DLGAP2: variants seen among roughly 807,000 people sequenced by gnomAD.
The protein encoded by DLGAP2 is DLG associated protein 2.
DLGAP2 carries 26 observed loss-of-function variants against 100.3 expected under a neutral mutation model. The ratio of observed to expected loss-of-function variants is 0.26; its 90% CI spans 0.19 to 0.36. DLGAP2 has a LOEUF of 0.36. Ranked by LOEUF, DLGAP2 falls within the 10% of genes least tolerant of loss-of-function variation. The probability of loss-of-function intolerance (pLI) is 1.00; values close to 1 mark genes in which losing one functional copy is unlikely to be tolerated. For synonymous variants in DLGAP2, 886 were observed against 630.1 expected, an observed-to-expected ratio of 1.41 and a Z score of -6.08; for missense variants, 1,858 against 1,453.2, an observed-to-expected ratio of 1.28 and a Z score of -4.53.
At chr8:1,681,663 A>T (rs185846483) in intron 12 of DLGAP2, among the ~76,000 whole-genome samples, 7 of 152,230 alleles carry the variant, frequency 4.6e-5, no homozygotes, top group African/African-American at 1.2e-4. Context: ...AGAAAGAAAG[A>T]ATATCTAGAC....
chr8:1,059,277 C>T (rs548563799), intron 2 of DLGAP2, among the ~76,000 whole-genome samples: 2 of 152,026 alleles, frequency 1.3e-5, no homozygotes, highest in African/African-American at 4.8e-5. Flanking sequence ...CATACTCCAT[C>T]CCCGAGGGCC....
At chr8:1,365,785 G>A (rs533858360) in intron 3 of DLGAP2, among the ~76,000 whole-genome samples, 9 of 152,222 alleles carry the variant, frequency 5.9e-5, no homozygotes, top group Non-Finnish European at 1.0e-4. Flanking sequence ...GAGAAGGCAC[G>A]TGGGGGACCA....
rs530309934 is a variant in DLGAP2, at chr8:1,240,055, G to T, written c.74-18796G>T. 8.1e-5 allele frequency among the ~76,000 whole-genome samples: 12 copies of T among 148,218 alleles called. 1 individual carries two copies. In the East Asian group the frequency reaches 8.4e-4, roughly 10 times the overall value. ...GCCGTGTCTAGTTCTCTCACATGGC[G>T]CCGTGTCTAGTTATCTCACATGGTG... On this transcript the variant is annotated intron_variant, in intron 2 of 14. Coordinates refer to ENST00000637795, the MANE Select transcript of DLGAP2 (RefSeq NM_001346810.2).
chr8:1,474,308 G>GT (rs1563170586), intron 3 of DLGAP2, among the ~76,000 whole-genome samples: 1 of 152,142 alleles, frequency 6.6e-6, no homozygotes, highest in East Asian at 1.9e-4. Flanking sequence ...CTGGTTCCGT[G>GT]TTTTTGTGAT....
chr8:1,117,710 C>T (rs910042772), intron 2 of DLGAP2, among the ~76,000 whole-genome samples: 35 of 152,096 alleles, frequency 2.3e-4, no homozygotes, highest in African/African-American at 8.0e-4. Flanking sequence ...GAGGGGGAGG[C>T]GGCTGTTCTC....
intron 3 of DLGAP2, among the ~76,000 whole-genome samples, chr8:1,286,095 G>A (rs1195128295): frequency 6.6e-6 from 1 of 152,224 alleles, no homozygotes; most frequent in East Asian, 1.9e-4. Flanking sequence ...TCAAGGGCAG[G>A]ACCAGGTGGA....
At chr8:1,574,271 G>C (rs1031016707) in intron 6 of DLGAP2, among the ~76,000 whole-genome samples, 6 of 152,168 alleles carry the variant, frequency 3.9e-5, no homozygotes, top group Admixed American at 1.3e-4. Context: ...GGTAACGTGA[G>C]ACAGGAGAGC....
chr8:1,208,814 C>T (rs922010506), intron 2 of DLGAP2, among the ~76,000 whole-genome samples: 9 of 151,686 alleles, frequency 5.9e-5, no homozygotes, highest in Admixed American at 1.3e-4. Context: ...ACAATAGTGA[C>T]GGAGCTGAGA....
intron 2 of DLGAP2, among the ~76,000 whole-genome samples, chr8:1,012,339 C>T (rs920076268): frequency 9.9e-5 from 15 of 152,230 alleles, no homozygotes; most frequent in African/African-American, 3.1e-4. Context: ...CTCGGAAGCC[C>T]GTCTGCCACA....
At chr8:1,519,365 CACTG>C (rs1211840146) in intron 4 of DLGAP2, among the ~76,000 whole-genome samples, 1 of 152,186 alleles carries the variant, frequency 6.6e-6, no homozygotes, top group Non-Finnish European at 1.5e-5. Flanking sequence ...GCTCCAGGTT[CACTG>C]ACTGCCCGAA....
intron 2 of DLGAP2, among the ~76,000 whole-genome samples, chr8:1,187,208 C>A (rs754456377): frequency 1.3e-5 from 2 of 152,174 alleles, no homozygotes; most frequent in Admixed American, 6.5e-5. Flanking sequence ...ATTTCCCTCA[C>A]GGAATTTCAC....
chr8:1,649,852 G>C (rs114133793), intron 8 of DLGAP2, among the ~76,000 whole-genome samples: 6,581 of 152,086 alleles, frequency 0.043, 180 homozygotes, highest in Non-Finnish European at 0.062. Flanking sequence ...TTATTTATTT[G>C]GTTTTGGAAG....
chr8:973,083 C>A (rs192085731), intron 2 of DLGAP2, among the ~76,000 whole-genome samples: 1 of 152,338 alleles, frequency 6.6e-6, no homozygotes, highest in Non-Finnish European at 1.5e-5. Flanking sequence ...CTTTTCTATT[C>A]GACAAAACCG....
At chr8:1,006,539 G>A (rs1254865573) in intron 2 of DLGAP2, among the ~76,000 whole-genome samples, 6 of 83,244 alleles carry the variant, frequency 7.2e-5, no homozygotes, top group South Asian at 5.3e-4. Flanking sequence ...CAGGGACACC[G>A]TGTGTCTCAA....
At chr8:778,734 C>A (rs1161631283) in intron 1 of DLGAP2, among the ~76,000 whole-genome samples, 1 of 152,260 alleles carries the variant, frequency 6.6e-6, no homozygotes, top group Non-Finnish European at 1.5e-5. Flanking sequence ...AGAACCACTG[C>A]TCTCTTCAAA....
rs138248677 is a variant in DLGAP2, at chr8:1,213,890, C to T, written c.74-44961C>T. The stretch of plus-strand genomic sequence containing the variant: ...ACATGGCAGACTCCGCCCCATCACT[C>T]GGGTCCTCACTCCTTTTGCTGGCCC... On this transcript the variant is annotated intron_variant, in intron 2 of 14. Transcript: ENST00000637795. 6.3e-3 allele frequency among the ~76,000 whole-genome samples: 965 copies of T among 152,316 alleles called. 7 individuals carry two copies. Among genetic ancestry groups the T allele is most frequent in the African/African-American group, 0.023 (940 of 41,560 alleles).
chr8:967,765 G>GTATATATATATATATGTATACA (rs1262660337), intron 2 of DLGAP2, among the ~76,000 whole-genome samples: 1 of 52,638 alleles, frequency 1.9e-5, no homozygotes, highest in African/African-American at 6.6e-5. Flanking sequence ...ACAAAGAGGT[G>GTATATATATATATATGTATACA]TATATATATA....
At chr8:872,462 T>C (rs1657280362) in intron 1 of DLGAP2, among the ~76,000 whole-genome samples, 1 of 151,896 alleles carries the variant, frequency 6.6e-6, no homozygotes, top group Admixed American at 6.6e-5. Flanking sequence ...GCCTCCTCAG[T>C]AGCTGGGATT....
At chr8:916,043 C>G (rs1425966990) in intron 2 of DLGAP2, among the ~76,000 whole-genome samples, 2 of 149,158 alleles carry the variant, frequency 1.3e-5, no homozygotes, top group Admixed American at 6.6e-5. Context: ...ACTCTCTGCA[C>G]TCTCTTTTTT....
Sources: allele counts gnomAD v4.1 joint callset (sites outside exome capture counted in the v4.1 genomes callset), GRCh38; gene constraint gnomAD v4.1.1; transcripts MANE v1.5; gene names NCBI Gene and HGNC (gene_info 2026-07-23, HGNC 2026-07-21).